Variants in CADPS2 observed in about 807,000 individuals in gnomAD.
CADPS2 encodes the protein calcium dependent secretion activator 2.
CADPS2 carries 93 observed loss-of-function variants against 172.5 expected under a neutral mutation model. The observed-to-expected ratio is 0.54, with a 90% CI of 0.46 to 0.64. CADPS2 has a LOEUF of 0.64. CADPS2 is among the 30% of genes least tolerant of loss of function. The probability of loss-of-function intolerance (pLI) is 0.00; values close to 1 mark genes in which losing one functional copy is unlikely to be tolerated. For missense variants in CADPS2, 1,420 were observed against 1,565.9 expected (o/e 0.91, Z 1.57); for synonymous variants, 546 against 555.2 (o/e 0.98, Z 0.23).
chr7:122,767,475 GT>G (rs2093588596), intron 1 of CADPS2, among the ~76,000 whole-genome samples: 1 of 152,000 alleles, frequency 6.6e-6, no homozygotes, highest in African/African-American at 2.4e-5. Flanking sequence ...CAACCATAGT[GT>G]TTTTCAGGAA....
intron 7 of CADPS2, among the ~76,000 whole-genome samples, chr7:122,568,045 A>G (rs901222993): frequency 6.6e-6 from 1 of 152,148 alleles, no homozygotes; most frequent in Admixed American, 6.6e-5. Flanking sequence ...ATATAGTCTA[A>G]GTGTAAAGAA....
intron 5 of CADPS2, among the ~76,000 whole-genome samples, chr7:122,617,752 A>T (rs1382292704): frequency 6.6e-6 from 1 of 152,200 alleles, no homozygotes; most frequent in Non-Finnish European, 1.5e-5. Context: ...AGTCTAAAAA[A>T]TCAACTATAA....
At chr7:122,597,016 G>C (rs1161127909) in intron 6 of CADPS2, among the ~76,000 whole-genome samples, 1 of 152,058 alleles carries the variant, frequency 6.6e-6, no homozygotes, top group Non-Finnish European at 1.5e-5. Context: ...GGACACAAGA[G>C]GGTGGGAGAG....
At chr7:122,541,746 T>TACATATATTCATATATTTATATATTC (rs1253314564) in intron 8 of CADPS2, among the ~76,000 whole-genome samples, 3 of 145,150 alleles carry the variant, frequency 2.1e-5, no homozygotes, top group African/African-American at 5.0e-5. Flanking sequence ...TTCATATATT[T>TACATATATTCATATATTTATATATTC]ACATATATTC....
intron 6 of CADPS2, among the ~76,000 whole-genome samples, chr7:122,603,881 G>A (rs1201716255): frequency 6.6e-6 from 1 of 152,182 alleles, no homozygotes; most frequent in Non-Finnish European, 1.5e-5. Context: ...GTGGTTGCCA[G>A]AGGCTGAAGG....
intron 1 of CADPS2, among the ~76,000 whole-genome samples, chr7:122,799,506 G>A (rs893220824): frequency 7.9e-5 from 12 of 151,790 alleles, no homozygotes; most frequent in Admixed American, 7.9e-4. Context: ...GGGAGGCTGA[G>A]GCGGGAGAAT....
chr7:122,624,324 T>TA (rs1192224065), intron 4 of CADPS2, among the ~76,000 whole-genome samples: 1 of 152,256 alleles, frequency 6.6e-6, no homozygotes, highest in Non-Finnish European at 1.5e-5. Flanking sequence ...CATAGGTCCC[T>TA]AGTGGTCTTA....
rs182731698 is a variant in CADPS2 at position 122,320,014 on chromosome 7, T to C, written c.*151A>G. Reference sequence around the variant, plus strand: ...AACCCCAAAATCTTGGCATTTCCCCTTTTACTCTACATTCAGGCTTACTTT... The same window carrying C: ...AACCCCAAAATCTTGGCATTTCCCCCTTTACTCTACATTCAGGCTTACTTT... On this transcript the variant is annotated 3_prime_UTR_variant, in exon 30 of 30. Coordinates refer to ENST00000449022, the MANE Select transcript of CADPS2 (RefSeq NM_017954.11). 2.3e-4 allele frequency: 177 copies of C among 766,824 alleles called. 2 individuals are homozygous for C. The African/African-American group carries it at 2.8e-3, about 12-fold the overall frequency. The allele number at this position is 766,824 out of a possible 1,614,324, so 47.5% of individuals were successfully genotyped here.
chr7:122,825,944 C>A (rs986078996), intron 1 of CADPS2, among the ~76,000 whole-genome samples: 1 of 152,122 alleles, frequency 6.6e-6, no homozygotes, highest in African/African-American at 2.4e-5. Flanking sequence ...AACATTAATA[C>A]CAGGGTGGTG....
intron 1 of CADPS2, among the ~76,000 whole-genome samples, chr7:122,743,603 G>A (rs2092593917): frequency 6.6e-6 from 1 of 152,156 alleles, no homozygotes; most frequent in African/African-American, 2.4e-5. Flanking sequence ...GCATGGGTGT[G>A]CATTTACCTC....
chr7:122,772,941 C>T (rs2093748031), intron 1 of CADPS2, among the ~76,000 whole-genome samples: 1 of 152,042 alleles, frequency 6.6e-6, no homozygotes, highest in Admixed American at 6.5e-5. Flanking sequence ...GACAAAATTT[C>T]TGTTTATCAA....
rs533739369 is a variant in CADPS2, at chr7:122,859,492, T to C, written c.339+26507A>G. On this transcript the variant is annotated intron_variant, in intron 1 of 29. Coordinates refer to ENST00000449022, the MANE Select transcript of CADPS2 (RefSeq NM_017954.11). Reference sequence around the variant, plus strand: ...GGTCATTTAGAACCTATAGGTCTTATTATAGTTAATGGCTCCAGTAATACA... The same window carrying C: ...GGTCATTTAGAACCTATAGGTCTTACTATAGTTAATGGCTCCAGTAATACA... 3.9e-5 allele frequency among the ~76,000 whole-genome samples: 6 copies of C among 152,326 alleles called. No individual in the cohort carries two copies. In the South Asian group the frequency reaches 1.0e-3, roughly 26 times the overall value.
intron 3 of CADPS2, among the ~76,000 whole-genome samples, chr7:122,650,142 T>C (rs2079006197): frequency 6.6e-6 from 1 of 151,694 alleles, no homozygotes. Flanking sequence ...ACTCCCGACC[T>C]CAAGTGATCC....
Position 122,398,737 on chromosome 7 carries a change from C to CTTCT in CADPS2, c.2747-5159_2747-5156dup, listed in dbSNP as rs879827599. On this transcript the variant is annotated intron_variant, in intron 20 of 29. Coordinates refer to ENST00000449022, the MANE Select transcript of CADPS2 (RefSeq NM_017954.11). The stretch of plus-strand genomic sequence containing the variant: ...CAGCATTATGTAAAAGGAAAACACT[C>CTTCT]TTCTCTCTCTCTCTCTCTCTCTCTC... Among the ~76,000 whole-genome samples the CTTCT allele has an allele frequency of 4.1e-3, 531 of 129,858 alleles. 1 individual carries two copies. Among genetic ancestry groups the CTTCT allele is most frequent in the Middle Eastern group, 0.012 (3 of 242 alleles). The allele number at this position is 129,858 out of a possible 152,430, so 85.2% of individuals were successfully genotyped here.
intron 6 of CADPS2, among the ~76,000 whole-genome samples, chr7:122,606,420 G>A (rs550959703): frequency 6.1e-4 from 93 of 152,238 alleles, no homozygotes; most frequent in African/African-American, 1.9e-3. Flanking sequence ...TATCCAGGTA[G>A]CCTCATAGTT....
intron 1 of CADPS2, among the ~76,000 whole-genome samples, chr7:122,757,994 T>C (rs942311114): frequency 3.3e-5 from 5 of 152,178 alleles, no homozygotes; most frequent in Non-Finnish European, 7.3e-5. Flanking sequence ...ATGCTTTTCC[T>C]ACCTAAAATG....
At chr7:122,338,396 A>AAAAAAAC (rs1160144248) in intron 28 of CADPS2, among the ~76,000 whole-genome samples, 1 of 152,090 alleles carries the variant, frequency 6.6e-6, no homozygotes, top group African/African-American at 2.4e-5. Context: ...TCTGTCTCAG[A>AAAAAAAC]AAAAAACAAA....
At position 122,351,919 on chromosome 7, in the gene CADPS2, A is replaced by G. The variant is rs188513893; in HGVS notation, c.3505-6238T>C. On this transcript the variant is annotated intron_variant, in intron 27 of 29. Transcript: ENST00000449022. ...TAGCATTAGTATGTTACATTTTATT[A>G]TATCAATGGGGAAAATCCTTTCAAA... 3.3e-3 allele frequency among the ~76,000 whole-genome samples: 501 copies of G among 152,296 alleles called. 1 individual carries two copies. The highest frequency in any genetic ancestry group is 0.011 in the African/African-American group (475 of 41,564).
At chr7:122,864,580 T>C (rs1817815208) in intron 1 of CADPS2, among the ~76,000 whole-genome samples, 1 of 152,156 alleles carries the variant, frequency 6.6e-6, no homozygotes, top group Non-Finnish European at 1.5e-5. Context: ...CTGGAACTAT[T>C]ACAGCAAGAA....
Sources: allele counts gnomAD v4.1 joint callset (sites outside exome capture counted in the v4.1 genomes callset), GRCh38; gene constraint gnomAD v4.1.1; transcripts MANE v1.5; gene names NCBI Gene and HGNC (gene_info 2026-07-23, HGNC 2026-07-21).